PODXL: variants seen among roughly 807,000 people sequenced by gnomAD.
PODXL encodes podocalyxin like, also known as podocalyxin.
PODXL carries 20 observed loss-of-function variants against 48.9 expected under a neutral mutation model. That is an observed-to-expected ratio of 0.41 (90% CI 0.29 to 0.59). PODXL has a LOEUF of 0.59. PODXL is among the 20% of genes least tolerant of loss of function. The probability of loss-of-function intolerance (pLI) is 0.31; values close to 1 mark genes in which losing one functional copy is unlikely to be tolerated. For synonymous variants in PODXL, 295 were observed against 287.4 expected (o/e 1.03, Z -0.27); for missense variants, 606 against 675.1 (o/e 0.90, Z 1.13).
At chr7:131,556,140 G>A in intron 1 of PODXL, 120 bp downstream of exon 1, 1 of 1,271,094 alleles carries the variant, frequency 7.9e-7, no homozygotes, top group Non-Finnish European at 1.0e-6. Context: ...TGTGACCCCG[G>A]CGGTGATAGG....
chr7:131,508,883 A>G, intron 5 of PODXL, 68 bp downstream of exon 5: 2 of 1,091,030 alleles, frequency 1.8e-6, no homozygotes, highest in South Asian at 1.2e-5. Context: ...AAGAACATAC[A>G]TTCCCTCTCC....
chr7:131,526,725 A>G (rs1424884016), intron 1 of PODXL, among the ~76,000 whole-genome samples: 1 of 136,368 alleles, frequency 7.3e-6, no homozygotes, highest in Non-Finnish European at 1.5e-5. Flanking sequence ...TGTTCAATCC[A>G]CAACTTCCTT....
intron 1 of PODXL, among the ~76,000 whole-genome samples, chr7:131,549,346 G>A (rs972239174): frequency 2.0e-5 from 3 of 152,132 alleles, no homozygotes; most frequent in Admixed American, 2.0e-4. Flanking sequence ...GTGAGATAAA[G>A]GTCATGCAAA....
intron 1 of PODXL, among the ~76,000 whole-genome samples, chr7:131,546,842 C>T (rs569678512): frequency 3.3e-5 from 5 of 151,646 alleles, no homozygotes; most frequent in South Asian, 4.1e-4. Flanking sequence ...AGGCAGGGGG[C>T]GCCATCTCAG....
At chr7:131,545,857 GAC>G (rs1275107743) in intron 1 of PODXL, among the ~76,000 whole-genome samples, 2 of 152,134 alleles carry the variant, frequency 1.3e-5, no homozygotes, top group African/African-American at 2.4e-5. Flanking sequence ...GTTCTTACTG[GAC>G]ACAGTTTGGA....
Position 131,507,289 on chromosome 7 carries a change from G to A in PODXL, c.1102-563C>T, listed in dbSNP as rs142917016. ...CTGGCTCTGAAGCCACGGACAGGCT[G>A]ACAGGGAAGGGGCTCCACTGAGTAG... is the stretch of plus-strand genomic sequence containing the variant. On this transcript the variant is annotated intron_variant, in intron 5 of 8. Coordinates refer to ENST00000378555, the MANE Select transcript of PODXL (RefSeq NM_001018111.3). 5.4e-3 allele frequency among the ~76,000 whole-genome samples: 820 copies of A among 152,348 alleles called. 6 individuals are homozygous for A. The highest frequency in any genetic ancestry group is 0.019 in the African/African-American group (796 of 41,578).
At chr7:131,505,782 C>T (rs1797787204) in intron 8 of PODXL, 86 bp downstream of exon 8, 1 of 1,342,794 alleles carries the variant, frequency 7.4e-7, no homozygotes. Context: ...GCTCCCTTTC[C>T]TCTTCTGCAA....
At chr7:131,532,517 T>TTGG (rs1308676996) in intron 1 of PODXL, among the ~76,000 whole-genome samples, 1 of 45,954 alleles carries the variant, frequency 2.2e-5, no homozygotes. Flanking sequence ...ATCTTTTTTT[T>TTGG]GGAGGGGGGG....
Position 131,500,446 on chromosome 7 carries a change from T to C in PODXL, c.*3865A>G, listed in dbSNP as rs1475579046. ...ATCCCCCAGTTCCTGGGCAAACTGT[T>C]GAACATTCACTGCAGACAAAAAGAC... On this transcript the variant is annotated 3_prime_UTR_variant, in exon 9 of 9. Coordinates refer to ENST00000378555, the MANE Select transcript of PODXL (RefSeq NM_001018111.3). The C allele has an allele frequency of 6.6e-6, 1 of 152,638 alleles. No individual in the cohort carries two copies. The highest frequency in any genetic ancestry group is 1.5e-5 in the Non-Finnish European group (1 of 68,038). The allele number at this position is 152,638 out of a possible 1,614,324, so 9.5% of individuals were successfully genotyped here. A position where few individuals can be genotyped will look rare whatever the true frequency, so the allele number is the denominator to read the frequency against.
intron 1 of PODXL, among the ~76,000 whole-genome samples, chr7:131,550,185 G>A (rs572953272): frequency 2.6e-5 from 4 of 152,344 alleles, no homozygotes; most frequent in African/African-American, 9.6e-5. Context: ...GGCAAACACC[G>A]ACATATTTAG....
Position 131,504,275 on chromosome 7 carries a change from C to G in PODXL, c.*36G>C, listed in dbSNP as rs1296946256. ...GGCACTTGGGGTGGTTGGTCTGGAG[C>G]TCTGTGGTGCTGCTGGAGGCCACCG... On this transcript the variant is annotated 3_prime_UTR_variant, in exon 9 of 9. Transcript: ENST00000378555. The G allele has an allele frequency of 1.3e-6, 2 of 1,583,174 alleles. No homozygotes were observed. The highest frequency in any genetic ancestry group is 1.7e-6 in the Non-Finnish European group (2 of 1,153,894).
intron 1 of PODXL, among the ~76,000 whole-genome samples, chr7:131,534,672 G>A (rs979247477): frequency 2.0e-5 from 3 of 152,228 alleles, no homozygotes; most frequent in African/African-American, 7.2e-5. Flanking sequence ...TGTCCATCAC[G>A]ATGGGTGTGG....
chr7:131,511,856 T>TG (rs1286884246), intron 1 of PODXL, among the ~76,000 whole-genome samples: 1 of 152,182 alleles, frequency 6.6e-6, no homozygotes, highest in Non-Finnish European at 1.5e-5. Context: ...ACGTGGAGGC[T>TG]GTCATGCATG....
At chr7:131,512,934 G>A (rs1048698094) in intron 1 of PODXL, among the ~76,000 whole-genome samples, 3 of 147,464 alleles carry the variant, frequency 2.0e-5, no homozygotes, top group Non-Finnish European at 4.4e-5. Context: ...GGCAGAGGTT[G>A]CAGTGAGCCA....
rs1798046129 is a variant in PODXL, at chr7:131,518,637, GTC to G, written c.101-7206_101-7205del. ...TAGCCCCATGTAGGGTTCAGGCTAAGTCTGATAAAATTTAACAGGCCACTTAT... is the reference window on the plus strand; with the variant it reads ...TAGCCCCATGTAGGGTTCAGGCTAAGTGATAAAATTTAACAGGCCACTTAT... On this transcript the variant is annotated intron_variant, in intron 1 of 8. Coordinates refer to ENST00000378555, the MANE Select transcript of PODXL (RefSeq NM_001018111.3). Among the ~76,000 whole-genome samples the G allele has an allele frequency of 2.0e-5, 3 of 152,208 alleles. No individual in the cohort carries two copies. The South Asian group carries it at 6.2e-4, about 32-fold the overall frequency.
intron 1 of PODXL, among the ~76,000 whole-genome samples, chr7:131,555,386 T>A (rs1798726511): frequency 2.0e-5 from 3 of 152,222 alleles, no homozygotes; most frequent in Admixed American, 2.0e-4. Context: ...AGCCATCGCC[T>A]GTCCCCCAAA....
intron 1 of PODXL, among the ~76,000 whole-genome samples, chr7:131,516,578 GCT>G (rs1370517735): frequency 1.1e-4 from 17 of 151,996 alleles, no homozygotes; most frequent in South Asian, 8.3e-4. Flanking sequence ...GCTCACTCAT[GCT>G]CTGGTGTGTC....
In PODXL at chr7:131,524,640, T is replaced by TA. The variant is rs1294155842; in HGVS notation, c.101-13208dup. Among the ~76,000 whole-genome samples, 2 of 152,326 alleles carry TA rather than the reference T, an allele frequency of 1.3e-5. 1 individual carries two copies. The highest frequency in any genetic ancestry group is 6.8e-3 in the Middle Eastern group (2 of 294). On this transcript the variant is annotated intron_variant, in intron 1 of 8. Coordinates refer to ENST00000378555, the MANE Select transcript of PODXL (RefSeq NM_001018111.3). ...CCCAAATGCTAAACAGGATCTCTCATACATTGCTGGTCAGAATGCACAATG... is the reference window on the plus strand; with the variant it reads ...CCCAAATGCTAAACAGGATCTCTCATAACATTGCTGGTCAGAATGCACAATG...
chr7:131,500,321 T>G lies in PODXL; in HGVS notation c.*3990A>C, dbSNP rs1422178479. 1 of 152,632 alleles carries G rather than the reference T, an allele frequency of 6.6e-6. No individual in the cohort carries two copies. 9.5% of individuals were successfully genotyped at this position (152,632 alleles called of 1,614,324 possible). A position where few individuals can be genotyped will look rare whatever the true frequency, so the allele number is the denominator to read the frequency against. Reference sequence around the variant, plus strand: ...AGTATACAATTTTCCAAAATATATTTTTGTAAGAAAATGCAATAATTATTA... The same window carrying G: ...AGTATACAATTTTCCAAAATATATTGTTGTAAGAAAATGCAATAATTATTA... On this transcript the variant is annotated 3_prime_UTR_variant, in exon 9 of 9. Transcript: ENST00000378555.
Sources: gnomAD v4.1 joint callset for allele counts (sites outside exome capture counted in the v4.1 genomes callset) on GRCh38, gnomAD v4.1.1 for gene constraint, MANE v1.5 for transcripts, NCBI Gene and HGNC (gene_info 2026-07-23, HGNC 2026-07-21) for gene names.